The following EXOC4 variants were observed in gnomAD, a reference collection of about 807,000 sequenced individuals.
The protein encoded by EXOC4 is SEC8-like 1.
In EXOC4, 71 loss-of-function variants were observed where a neutral mutation model predicts 107.2. The observed-to-expected ratio is 0.66, with a 90% CI of 0.55 to 0.81. The LOEUF (loss-of-function observed/expected upper bound fraction) is 0.81, where lower values mean the gene tolerates loss of function less well. EXOC4 is among the 30% of genes least tolerant of loss of function. The pLI is 0.00. For missense variants in EXOC4, 1,108 were observed against 1,189.6 expected (o/e 0.93, Z 1.01); for synonymous variants, 456 against 441.2 (o/e 1.03, Z -0.42).
intron 10 of EXOC4, among the ~76,000 whole-genome samples, chr7:133,807,905 C>G (rs1163400853): frequency 1.3e-5 from 2 of 152,124 alleles, no homozygotes; most frequent in Non-Finnish European, 2.9e-5. Context: ...AGTCACAAAT[C>G]ACTTGCAATA....
chr7:133,952,127 G>A (rs1800705453), intron 14 of EXOC4, among the ~76,000 whole-genome samples: 1 of 151,472 alleles, frequency 6.6e-6, no homozygotes, highest in African/African-American at 2.4e-5. Context: ...TTGCACTCCA[G>A]CCCGAGCTGA....
At chr7:133,513,530 C>T (rs1799814693) in intron 9 of EXOC4, among the ~76,000 whole-genome samples, 1 of 152,192 alleles carries the variant, frequency 6.6e-6, no homozygotes, top group South Asian at 2.1e-4. Context: ...GCATACTATA[C>T]TAAAGTTTAG....
At chr7:134,088,365 G>C in the EXOC4 span, among the ~76,000 whole-genome samples, 1 of 152,154 alleles carries the variant, frequency 6.6e-6, no homozygotes, top group Non-Finnish European at 1.5e-5. Flanking sequence ...AAATTCTGGA[G>C]AAACTAGGTA....
At chr7:133,743,612 G>T (rs1412292108) in intron 10 of EXOC4, among the ~76,000 whole-genome samples, 1 of 151,938 alleles carries the variant, frequency 6.6e-6, no homozygotes, top group African/African-American at 2.4e-5. Flanking sequence ...GATATGTTTG[G>T]AAACTAGATG....
intron 9 of EXOC4, among the ~76,000 whole-genome samples, chr7:133,586,645 G>A (rs1167434663): frequency 6.6e-6 from 1 of 152,060 alleles, no homozygotes; most frequent in African/African-American, 2.4e-5. Context: ...CCAATAATGG[G>A]ATTGCTGGGT....
At chr7:133,491,053 C>T (rs567067111) in intron 9 of EXOC4, among the ~76,000 whole-genome samples, 79 of 152,232 alleles carry the variant, frequency 5.2e-4, no homozygotes, top group Non-Finnish European at 9.0e-4. Flanking sequence ...CAGCCTGGTT[C>T]TATATGGAGA....
intron 9 of EXOC4, among the ~76,000 whole-genome samples, chr7:133,579,632 A>G (rs1250292929): frequency 3.9e-5 from 6 of 151,920 alleles, no homozygotes; most frequent in African/African-American, 1.5e-4. Flanking sequence ...TTAAACAATA[A>G]TTCCCCATTC....
chr7:133,659,879 G>A (rs1318801506), intron 10 of EXOC4, among the ~76,000 whole-genome samples: 1 of 152,150 alleles, frequency 6.6e-6, no homozygotes, highest in Non-Finnish European at 1.5e-5. Context: ...GAGAAACTGA[G>A]CAATTTGCTT....
intron 10 of EXOC4, among the ~76,000 whole-genome samples, chr7:133,815,390 GACAAAA>G (rs1441157889): frequency 1.4e-5 from 2 of 140,720 alleles, no homozygotes; most frequent in Admixed American, 1.4e-4. Context: ...AAAAAAAAAA[GACAAAA>G]ACAAAAAACT....
At chr7:133,330,295 T>C (rs957680004) in intron 5 of EXOC4, among the ~76,000 whole-genome samples, 1 of 151,812 alleles carries the variant, frequency 6.6e-6, no homozygotes, top group Admixed American at 6.6e-5. Flanking sequence ...GTGTCCCAGG[T>C]CAATCTCAGA....
At chr7:133,979,358 T>G (rs1275519948) in intron 14 of EXOC4, among the ~76,000 whole-genome samples, 1 of 152,088 alleles carries the variant, frequency 6.6e-6, no homozygotes, top group Non-Finnish European at 1.5e-5. Flanking sequence ...TAGTGCCTCT[T>G]TGGTAGAAAG....
At chr7:134,060,532 G>T (rs1031763111) in intron 17 of EXOC4, among the ~76,000 whole-genome samples, 1 of 152,152 alleles carries the variant, frequency 6.6e-6, no homozygotes, top group South Asian at 2.1e-4. Context: ...TTTAATGCTC[G>T]ATGATGAAGA....
In EXOC4 at chr7:134,058,410, C is replaced by T. The variant is rs544210167; in HGVS notation, c.2688-5881C>T. Reference sequence around the variant, plus strand: ...AGTACTGAATCAGAGGGACAGTCAACTTTTGGAAAGAAAGGTTACTTCATC... The same window carrying T: ...AGTACTGAATCAGAGGGACAGTCAATTTTTGGAAAGAAAGGTTACTTCATC... On this transcript the variant is annotated intron_variant, in intron 17 of 17. Transcript: ENST00000253861. 5.6e-4 allele frequency among the ~76,000 whole-genome samples: 85 copies of T among 152,250 alleles called. 3 individuals are homozygous for T. In the South Asian group the frequency reaches 0.016, roughly 29 times the overall value.
chr7:133,972,414 T>C (rs1563076428), intron 14 of EXOC4, among the ~76,000 whole-genome samples: 1 of 152,226 alleles, frequency 6.6e-6, no homozygotes, highest in Non-Finnish European at 1.5e-5. Flanking sequence ...TGTCTTTTCT[T>C]CTGAAAATGT....
intron 10 of EXOC4, among the ~76,000 whole-genome samples, chr7:133,739,946 C>A (rs1376101419): frequency 6.6e-6 from 1 of 152,036 alleles, no homozygotes; most frequent in Non-Finnish European, 1.5e-5. Flanking sequence ...GGCTGAGAGT[C>A]CTATAGCATG....
chr7:133,562,748 C>T (rs1342886812), intron 9 of EXOC4, among the ~76,000 whole-genome samples: 4 of 152,146 alleles, frequency 2.6e-5, no homozygotes, highest in African/African-American at 9.7e-5. Flanking sequence ...GTTCGTGTAT[C>T]ATACTGGGAC....
At chr7:133,681,408 C>G (rs895960225) in intron 10 of EXOC4, among the ~76,000 whole-genome samples, 3 of 151,884 alleles carry the variant, frequency 2.0e-5, no homozygotes, top group African/African-American at 7.3e-5. Context: ...AATGTTCTCT[C>G]TGTATCTATA....
intron 7 of EXOC4, among the ~76,000 whole-genome samples, chr7:133,422,425 CTTATA>C (rs996962231): frequency 3.3e-5 from 5 of 151,930 alleles, no homozygotes; most frequent in African/African-American, 9.7e-5. Context: ...ACTTATATAC[CTTATA>C]TTATACAATA....
intron 6 of EXOC4, among the ~76,000 whole-genome samples, chr7:133,361,540 G>A (rs958163666): frequency 1.3e-5 from 2 of 152,084 alleles, no homozygotes; most frequent in South Asian, 2.1e-4. Flanking sequence ...TCGGCCTCCC[G>A]AGTGTTGATT....
Sources: allele counts gnomAD v4.1 joint callset (sites outside exome capture counted in the v4.1 genomes callset), GRCh38; gene constraint gnomAD v4.1.1; transcripts MANE v1.5; gene names NCBI Gene and HGNC (gene_info 2026-07-23, HGNC 2026-07-21).